ANGPT4: variants seen among roughly 807,000 people sequenced by gnomAD.
ANGPT4 encodes angiopoietin-4.
ANGPT4 carries 50 observed loss-of-function variants against 53.0 expected under a neutral mutation model. The observed-to-expected ratio is 0.94, with a 90% confidence interval of 0.75 to 1.20. The LOEUF (loss-of-function observed/expected upper bound fraction) is 1.20. ANGPT4 is among the 50% of genes most tolerant of loss of function. The probability of loss-of-function intolerance (pLI) is 0.00; values close to 1 mark genes in which losing one functional copy is unlikely to be tolerated. For missense variants in ANGPT4, 648 were observed against 637.1 expected (o/e 1.02, Z -0.18); for synonymous variants, 251 against 259.7 (o/e 0.97, Z 0.32).
In ANGPT4 at chr20:890,358, G is replaced by A. The variant is rs780729817; in HGVS notation, c.320C>T (p.Ala107Val). The A allele has an allele frequency of 6.2e-7, 1 of 1,609,644 alleles. No homozygotes were observed. The highest frequency in any genetic ancestry group is 1.3e-5 in the African/African-American group (1 of 74,966). ...NTQWLKKLER[A>V]IKTILRSKLE... Reference sequence around the variant, plus strand: ...CTTCGACCTCAAGATCGTCTTGATGGCCCTCTCTAGCTGTGGGAGACCATG... The same window carrying A: ...CTTCGACCTCAAGATCGTCTTGATGACCCTCTCTAGCTGTGGGAGACCATG... The change falls in exon 2 of 9, where the codon GCC (alanine) becomes GTC (valine). Residue 107 changes from alanine to valine, a missense_variant. Physicochemically the swap from Ala to Val is moderately conservative, Grantham distance 64. Transcript: ENST00000381922.
chr20:875,345 G>A (rs1379409165), intron 7 of ANGPT4, among the ~76,000 whole-genome samples: 1 of 152,088 alleles, frequency 6.6e-6, no homozygotes, highest in Non-Finnish European at 1.5e-5. Flanking sequence ...GACTACACCA[G>A]CCCCCATGGA....
At chr20:913,011 T>C (rs1047914795) in intron 1 of ANGPT4, among the ~76,000 whole-genome samples, 4 of 151,384 alleles carry the variant, frequency 2.6e-5, no homozygotes, top group Non-Finnish European at 5.9e-5. Context: ...AGGAGGGGAG[T>C]TGGGGGCACA....
intron 1 of ANGPT4, among the ~76,000 whole-genome samples, chr20:912,375 A>G (rs1471093544): frequency 6.6e-6 from 1 of 152,172 alleles, no homozygotes; most frequent in African/African-American, 2.4e-5. Context: ...ACTGGGTCCT[A>G]GAGGGAGGGC....
At chr20:874,832 T>C (rs112136092) in intron 7 of ANGPT4, among the ~76,000 whole-genome samples, 17,816 of 152,044 alleles carry the variant, frequency 0.12, 1,319 homozygotes, top group African/African-American at 0.21. Context: ...CCCACCTCAG[T>C]CTCCTGAGTA....
intron 1 of ANGPT4, among the ~76,000 whole-genome samples, chr20:913,823 G>A (rs1202486407): frequency 6.6e-6 from 1 of 152,236 alleles, no homozygotes; most frequent in African/African-American, 2.4e-5. Context: ...ATAGGTGGGA[G>A]CCACAGGAAG....
chr20:895,727 G>C (rs974267576), intron 1 of ANGPT4, among the ~76,000 whole-genome samples: 3 of 152,120 alleles, frequency 2.0e-5, no homozygotes, highest in African/African-American at 7.2e-5. Flanking sequence ...GGACTCCATT[G>C]AGCAATAAAA....
chr20:889,179 C>T (rs73892516), intron 2 of ANGPT4, among the ~76,000 whole-genome samples: 202 of 151,986 alleles, frequency 1.3e-3, no homozygotes, highest in Non-Finnish European at 2.5e-3. Context: ...CTCATCCCCC[C>T]CCACCACTCC....
intron 1 of ANGPT4, among the ~76,000 whole-genome samples, chr20:894,470 G>T (rs1455441542): frequency 6.6e-6 from 1 of 152,116 alleles, no homozygotes; most frequent in Non-Finnish European, 1.5e-5. Flanking sequence ...TCAGAGCATG[G>T]GCTAGCAGGC....
At chr20:883,554 G>A (rs1981489108) in intron 4 of ANGPT4, among the ~76,000 whole-genome samples, 1 of 152,228 alleles carries the variant, frequency 6.6e-6, no homozygotes, top group Admixed American at 6.5e-5. Flanking sequence ...CCTGGTGACT[G>A]AGCCTCTCCT....
chr20:889,304 G>A (rs886324944), intron 2 of ANGPT4, among the ~76,000 whole-genome samples: 4 of 152,028 alleles, frequency 2.6e-5, no homozygotes, highest in African/African-American at 7.3e-5. Flanking sequence ...TAAGAAAGTC[G>A]TCATCATGCA....
chr20:915,806 C>T (rs1982907163), intron 1 of ANGPT4, 100 bp downstream of exon 1: 2 of 1,401,096 alleles, frequency 1.4e-6, no homozygotes, highest in African/African-American at 2.9e-5. Flanking sequence ...AGACAGCCCT[C>T]TGTGCTCAGG....
intron 1 of ANGPT4, among the ~76,000 whole-genome samples, chr20:901,881 C>T (rs1418892009): frequency 1.3e-5 from 2 of 152,206 alleles, no homozygotes; most frequent in Non-Finnish European, 2.9e-5. Context: ...CACTGCTCTC[C>T]AGCCTGGGCG....
intron 6 of ANGPT4, among the ~76,000 whole-genome samples, chr20:879,542 T>C (rs191056516): frequency 0.014 from 2,101 of 152,246 alleles, 34 homozygotes; most frequent in African/African-American, 0.032. Flanking sequence ...GCTAAACTTT[T>C]TTTCTTAGAA....
Position 879,799 on chromosome 20 carries a change from C to A in ANGPT4, c.1001G>T (p.Arg334Leu). Reference sequence around the variant, plus strand: ...AAAATTCACGGTGCCATTCTCACGGCGCTGGATGAGGGTCCACCTGCCTCC... The same window carrying A: ...AAAATTCACGGTGCCATTCTCACGGAGCTGGATGAGGGTCCACCTGCCTCC... The part of the protein sequence containing the change: ...SSGGRWTLIQ[R>L]RENGTVNFQR... The change falls in exon 6 of 9, where the codon CGC (arginine) becomes CTC (leucine). Residue 334 changes from arginine to leucine, a missense_variant. Transcript: ENST00000381922. 6.2e-7 allele frequency: 1 copy of A among 1,613,754 alleles called. No homozygotes were observed. Among genetic ancestry groups the A allele is most frequent in the Non-Finnish European group, 8.5e-7 (1 of 1,179,818 alleles).
At chr20:894,769 CTGAGGCCCAGAAGTCT>C (rs963086527) in intron 1 of ANGPT4, among the ~76,000 whole-genome samples, 5 of 152,184 alleles carry the variant, frequency 3.3e-5, no homozygotes, top group African/African-American at 1.2e-4. Context: ...CATAGACAAA[CTGAGGCCCAGAAGTCT>C]TGCCCAAGGT....
intron 1 of ANGPT4, among the ~76,000 whole-genome samples, chr20:894,998 C>A (rs1367971065): frequency 3.3e-5 from 5 of 152,098 alleles, no homozygotes; most frequent in Admixed American, 1.3e-4. Context: ...TTGCCACACC[C>A]GCCCACCAGC....
At position 873,390 on chromosome 20, in the gene ANGPT4, G is replaced by A. The variant is rs534153284; in HGVS notation, c.1352-270C>T. ...CCGGCCTTCTCCCTGAGCCCTTGGC[G>A]TCCCTGTCTTCCTCCCTCACTGAAC... On this transcript the variant is annotated intron_variant, in intron 8 of 8. Coordinates refer to ENST00000381922, the MANE Select transcript of ANGPT4 (RefSeq NM_015985.4). Among the ~76,000 whole-genome samples, 90 of 151,774 alleles carry A rather than the reference G, an allele frequency of 5.9e-4. No homozygotes were observed. In the South Asian group the frequency reaches 0.014, roughly 24 times the overall value.
rs1263724651 is a variant in ANGPT4 at position 911,558 on chromosome 20, A to G, written c.309+4348T>C. ...GGAGTCACTTTGATAGCCAACCAGG[A>G]GAGAGAATCAGAGACAGAGACACCC... On this transcript the variant is annotated intron_variant, in intron 1 of 8. Transcript: ENST00000381922. The surrounding 1 kb of genome is among the most constrained non-coding windows in gnomAD (Gnocchi z 4.9). Among the ~76,000 whole-genome samples the G allele has an allele frequency of 2.6e-5, 4 of 152,086 alleles. No homozygotes were observed. The highest frequency in any genetic ancestry group is 9.7e-5 in the African/African-American group (4 of 41,348).
chr20:909,309 C>T (rs1268440358), intron 1 of ANGPT4, among the ~76,000 whole-genome samples: 1 of 152,178 alleles, frequency 6.6e-6, no homozygotes, highest in Non-Finnish European at 1.5e-5. Context: ...AGTAGCATCT[C>T]CTGGTTCTCT....
Sources: gnomAD v4.1 joint callset for allele counts (sites outside exome capture counted in the v4.1 genomes callset) on GRCh38, gnomAD v4.1.1 for gene constraint, Gnocchi (gnomAD v3.1) non-coding constraint, MANE v1.5 for transcripts, NCBI Gene and HGNC (gene_info 2026-07-23, HGNC 2026-07-21) for gene names.